Variants in NXF1 observed in about 807,000 individuals in gnomAD.
NXF1 encodes mRNA export factor TAP.
In NXF1, 43 loss-of-function variants were observed where a neutral mutation model predicts 92.4. The ratio of observed to expected loss-of-function variants is 0.47; its 90% CI spans 0.36 to 0.60. The LOEUF (loss-of-function observed/expected upper bound fraction) is 0.60, where lower values mean the gene tolerates loss of function less well. Ranked by LOEUF, NXF1 falls within the 20% of genes least tolerant of loss-of-function variation. The pLI is 0.00. For missense variants in NXF1, 576 were observed against 793.0 expected (o/e 0.73, Z 3.29); for synonymous variants, 288 against 292.2 (o/e 0.99, Z 0.15).
At position 62,795,891 on chromosome 11, in the gene NXF1, A is replaced by G. The variant is rs768552145; in HGVS notation, c.1504+10T>C. 1.9e-6 allele frequency: 3 copies of G among 1,613,068 alleles called. No homozygotes were observed. In the East Asian group the frequency reaches 6.7e-5, roughly 36 times the overall value. ...CCACGCTACAAACTCGGGACTCTAA[A>G]GATTCTTACCTTCCTTGAAGACTCC... On this transcript the variant is annotated intron_variant, in intron 17 of 20. Coordinates refer to ENST00000294172, the MANE Select transcript of NXF1 (RefSeq NM_006362.5).
At chr11:62,803,226 G>C (rs980423374) in intron 3 of NXF1, among the ~76,000 whole-genome samples, 193 bp downstream of exon 3, 2 of 152,158 alleles carry the variant, frequency 1.3e-5, no homozygotes, top group South Asian at 4.1e-4. Flanking sequence ...GACTGAGGCA[G>C]AATAGCTTGA....
In NXF1 at chr11:62,799,186, A is replaced by G. The variant is rs568376098; in HGVS notation, c.1017-611T>C. The G allele has an allele frequency of 6.6e-4, 654 of 985,620 alleles. 2 individuals are homozygous for G. In the African/African-American group the frequency reaches 9.4e-3, roughly 14 times the overall value. 61.1% of individuals were successfully genotyped at this position (985,620 alleles called of 1,614,324 possible). On this transcript the variant is annotated intron_variant, in intron 10 of 20. Transcript: ENST00000294172. ...GGAAAGAGAAAGCAAAGAAAAAGAGAAAGAACTACAAGGCAAAAAAGCATC... is the reference window on the plus strand; with the variant it reads ...GGAAAGAGAAAGCAAAGAAAAAGAGGAAGAACTACAAGGCAAAAAAGCATC...
Position 62,796,145 on chromosome 11 carries a change from T to A in NXF1, c.1382A>T (p.Asn461Ile). ...RFRLLKHTRL[N>I]VVAFLNELPK... ...CAACTCATTGAGGAAGGCAACAACG[T>A]TGAGACGCGTGTGCTTCAGCAGCCG... The change falls in exon 16 of 21, where the codon AAC (asparagine) becomes ATC (isoleucine). Residue 461 changes from asparagine to isoleucine, a missense_variant. By Grantham distance (149) the Asn-to-Ile change is moderately radical (BLOSUM62 -3). This residue lies in a region of NXF1 where 425 missense variants were observed against 635.2 expected (regional missense o/e 0.67). Coordinates refer to ENST00000294172, the MANE Select transcript of NXF1 (RefSeq NM_006362.5). 6.2e-7 allele frequency: 1 copy of A among 1,614,160 alleles called. No homozygotes were observed. Among genetic ancestry groups the A allele is most frequent in the Non-Finnish European group, 8.5e-7 (1 of 1,180,014 alleles).
intron 10 of NXF1, chr11:62,798,832 AGG>A: frequency 1.5e-6 from 2 of 1,297,354 alleles, no homozygotes; most frequent in Non-Finnish European, 9.8e-7. Context: ...CTCCAAGCCC[AGG>A]CTTTAAGCCC....
At position 62,795,977 on chromosome 11, in the gene NXF1, C is replaced by G. The variant is rs373307473; in HGVS notation, c.1462-34G>C. ...GAAGCAGCATCAGGTACAATGTACA[C>G]TTCTCAGAGCCTGAGTGCCCCCCCT... On this transcript the variant is annotated intron_variant, in intron 16 of 20. Transcript: ENST00000294172. The G allele has an allele frequency of 8.7e-6, 14 of 1,613,674 alleles. No individual in the cohort carries two copies. In the African/African-American group the frequency reaches 1.5e-4, roughly 17 times the overall value.
chr11:62,800,764 G>C (rs1288908212), intron 9 of NXF1, among the ~76,000 whole-genome samples: 1 of 151,884 alleles, frequency 6.6e-6, no homozygotes, highest in South Asian at 2.1e-4. Context: ...CATCATGCTC[G>C]ACTAATTTAT....
At chr11:62,804,128 G>A in intron 1 of NXF1, 150 bp from the exon 2 acceptor site, 1 of 1,553,360 alleles carries the variant, frequency 6.4e-7, no homozygotes, top group Non-Finnish European at 8.7e-7. Context: ...CTATCCACAG[G>A]AAAGAACCCT....
At chr11:62,798,866 C>A in intron 10 of NXF1, 1 of 1,229,338 alleles carries the variant, frequency 8.1e-7, no homozygotes, top group South Asian at 2.5e-5. Context: ...CCCCTCCCTG[C>A]CCCCCTTACC....
At chr11:62,796,967 T>A in intron 13 of NXF1, 1 of 580,758 alleles carries the variant, frequency 1.7e-6, no homozygotes, top group Non-Finnish European at 3.0e-6. Flanking sequence ...CTGGGGAGGC[T>A]GAGGCAGGAG....
chr11:62,794,014 T>C (rs577955921), intron 19 of NXF1, among the ~76,000 whole-genome samples: 1 of 146,568 alleles, frequency 6.8e-6, no homozygotes, highest in Non-Finnish European at 1.5e-5. Flanking sequence ...AAAAAAAAAA[T>C]AATAAAATAA....
chr11:62,800,270 C>A, intron 10 of NXF1, 107 bp downstream of exon 10: 1 of 1,549,708 alleles, frequency 6.5e-7, no homozygotes, highest in South Asian at 1.2e-5. Context: ...CAGGTGGTTC[C>A]AGCTCAGGGC....
At chr11:62,795,115 G>A (rs2084406832) in intron 17 of NXF1, 108 bp from the exon 18 acceptor site, 11 of 1,058,494 alleles carry the variant, frequency 1.0e-5, no homozygotes, top group African/African-American at 3.1e-5. Flanking sequence ...AGTCAGAGAG[G>A]AATGATTAAG....
chr11:62,795,141 G>T, intron 17 of NXF1, 134 bp from the exon 18 acceptor site: 1 of 788,804 alleles, frequency 1.3e-6, no homozygotes, highest in Non-Finnish European at 2.1e-6. Flanking sequence ...AAGGGTATAA[G>T]GGAAGCACAG....
intron 19 of NXF1, among the ~76,000 whole-genome samples, chr11:62,793,386 GT>G (rs1274989306): frequency 6.6e-6 from 1 of 152,068 alleles, no homozygotes; most frequent in East Asian, 1.9e-4. Context: ...CAACTATTAG[GT>G]TTTTTTAAGC....
At chr11:62,801,677 G>C (rs574247208) in intron 6 of NXF1, 46 bp from the exon 7 acceptor site, 5 of 1,605,974 alleles carry the variant, frequency 3.1e-6, no homozygotes, top group South Asian at 1.1e-5. Flanking sequence ...TTGTGTGTGG[G>C]GGGTGGGGGT....
intron 11 of NXF1, 31 bp downstream of exon 11, chr11:62,798,508 G>C (rs1036317684): frequency 2.5e-6 from 4 of 1,613,512 alleles, no homozygotes; most frequent in Admixed American, 3.3e-5. Context: ...GAGATGCTGT[G>C]CTTGTTAGAA....
intron 3 of NXF1, among the ~76,000 whole-genome samples, chr11:62,802,591 C>A (rs979669681): frequency 6.6e-6 from 1 of 151,738 alleles, no homozygotes; most frequent in Non-Finnish European, 1.5e-5. Context: ...GCATGTACTA[C>A]CATGCCCGGC....
In NXF1 at chr11:62,798,565, C is replaced by T. The variant is rs780833651; in HGVS notation, c.1027G>A (p.Glu343Lys). Residue 343 changes from glutamate (E) to lysine (K), a missense_variant, in exon 11 of 21, where the codon GAA becomes AAA. Physicochemically the swap from Glu to Lys is moderately conservative, Grantham distance 56. Transcript: ENST00000294172. ...AGGCGTAGTAACTTGGGAAATCGTT[C>T]GCGAATGGCGCTGTCAAGAACGGGA... The part of the protein sequence containing the change: ...DQSTYISAIR[E>K]RFPKLLRLDG... 8.7e-6 allele frequency: 14 copies of T among 1,613,932 alleles called. No individual in the cohort carries two copies. Among genetic ancestry groups the T allele is most frequent in the South Asian group, 3.3e-5 (3 of 91,078 alleles).
At chr11:62,802,322 A>G in intron 3 of NXF1, 62 bp from the exon 4 acceptor site, 2 of 1,386,454 alleles carry the variant, frequency 1.4e-6, no homozygotes, top group South Asian at 2.4e-5. Flanking sequence ...CAGACCCAAT[A>G]CAATGCCTTT....
Sources: gnomAD v4.1 joint callset for allele counts (sites outside exome capture counted in the v4.1 genomes callset) on GRCh38, gnomAD v4.1.1 for gene constraint, gnomAD v4.1.1 regional missense constraint, MANE v1.5 for transcripts, NCBI Gene and HGNC (gene_info 2026-07-23, HGNC 2026-07-21) for gene names.